The following ATP11A variants were observed in gnomAD, a reference collection of about 807,000 sequenced individuals.
ATP11A encodes phospholipid-transporting ATPase IH.
In ATP11A, 81 loss-of-function variants were observed where a neutral mutation model predicts 154.4. The observed-to-expected ratio is 0.52, with a 90% confidence interval of 0.44 to 0.63. ATP11A has a LOEUF of 0.63. Ranked by LOEUF, ATP11A falls within the 30% of genes least tolerant of loss-of-function variation. The probability of loss-of-function intolerance (pLI) is 0.00; values close to 1 mark genes in which losing one functional copy is unlikely to be tolerated. For missense variants in ATP11A, 1,316 were observed against 1,474.3 expected (o/e 0.89, Z 1.76); for synonymous variants, 623 against 585.9 (o/e 1.06, Z -0.91).
Position 112,748,757 on chromosome 13 carries a change from T to C in ATP11A, c.40-36378T>C, listed in dbSNP as rs559180167. On this transcript the variant is annotated intron_variant, in intron 1 of 29. Coordinates refer to ENST00000375645, the MANE Select transcript of ATP11A (RefSeq NM_015205.3). The stretch of plus-strand genomic sequence containing the variant: ...TTTTGCTAGCCAGCTACAGAGATAA[T>C]GTAAAAAATGTTTTAAAACCATATT... Among the ~76,000 whole-genome samples the C allele has an allele frequency of 7.2e-5, 11 of 152,318 alleles. No homozygotes were observed. In the South Asian group the frequency reaches 2.3e-3, roughly 32 times the overall value.
chr13:112,836,096 G>T, intron 15 of ATP11A, 82 bp from the exon 16 acceptor site: 1 of 1,022,370 alleles, frequency 9.8e-7, no homozygotes, highest in Non-Finnish European at 1.5e-6. Flanking sequence ...CAGCCATTCT[G>T]CTGTGGAGAG....
At position 112,886,751 on chromosome 13, in the gene ATP11A, A is replaced by G. The variant is rs1009601978; in HGVS notation, c.*4885A>G. The G allele has an allele frequency of 6.6e-6, 1 of 152,618 alleles. No homozygotes were observed. The highest frequency in any genetic ancestry group is 1.5e-5 in the Non-Finnish European group (1 of 68,038). The allele number at this position is 152,618 out of a possible 1,614,324, so 9.5% of individuals were successfully genotyped here. Reference sequence around the variant, plus strand: ...CATATATTGTGTCTGACTTAAAATTATAATGTCTGCGTCACCATTTAAAAT... The same window carrying G: ...CATATATTGTGTCTGACTTAAAATTGTAATGTCTGCGTCACCATTTAAAAT... On this transcript the variant is annotated 3_prime_UTR_variant, in exon 30 of 30. Transcript: ENST00000375645.
chr13:112,873,554 C>CTT lies in ATP11A; in HGVS notation c.3058-10_3058-9dup, dbSNP rs112313900. Reference sequence around the variant, plus strand: ...TGCTCAGATGACACCGTTAACTGCCCTTTTTTTTTTCCTTTTAGCTTGCAT... The same window carrying CTT: ...TGCTCAGATGACACCGTTAACTGCCCTTTTTTTTTTTTCCTTTTAGCTTGCAT... On this transcript the variant is annotated intron_variant, in intron 26 of 29. Coordinates refer to ENST00000375645, the MANE Select transcript of ATP11A (RefSeq NM_015205.3). The CTT allele has an allele frequency of 3.6e-6, 5 of 1,369,912 alleles. No homozygotes were observed. The highest frequency in any genetic ancestry group is 5.3e-5 in the East Asian group (2 of 37,752). 84.9% of individuals were successfully genotyped at this position (1,369,912 alleles called of 1,614,324 possible).
chr13:112,869,759 G>A (rs894627079), intron 25 of ATP11A, among the ~76,000 whole-genome samples: 1 of 152,208 alleles, frequency 6.6e-6, no homozygotes, highest in Non-Finnish European at 1.5e-5. Context: ...GCAGCCTCCC[G>A]CCCTCCAGCA....
intron 23 of ATP11A, 146 bp from the exon 24 acceptor site, chr13:112,860,141 T>A (rs900968755): frequency 6.1e-6 from 5 of 820,374 alleles, no homozygotes; most frequent in Non-Finnish European, 9.1e-6. Flanking sequence ...ACAGTTGATA[T>A]CACAGACCCT....
rs544892064 is a variant in ATP11A at position 112,854,640 on chromosome 13, G to A, written c.2243+110G>A. 4.4e-4 allele frequency: 582 copies of A among 1,326,592 alleles called. 2 individuals are homozygous for A. In the African/African-American group the frequency reaches 7.5e-3, roughly 17 times the overall value. 82.2% of individuals were successfully genotyped at this position (1,326,592 alleles called of 1,614,324 possible). A position where few individuals can be genotyped will look rare whatever the true frequency, so the allele number is the denominator to read the frequency against. On this transcript the variant is annotated intron_variant, in intron 19 of 29. Coordinates refer to ENST00000375645, the MANE Select transcript of ATP11A (RefSeq NM_015205.3). Reference sequence around the variant, plus strand: ...CCGCATTGTCTCTACTGGGAATTCGGTTCTCCCCTGGGGCATTAATGCCAG... The same window carrying A: ...CCGCATTGTCTCTACTGGGAATTCGATTCTCCCCTGGGGCATTAATGCCAG...
At chr13:112,842,493 T>A (rs776993956) in intron 17 of ATP11A, 114 bp downstream of exon 17, 114 of 866,674 alleles carry the variant, frequency 1.3e-4, no homozygotes, top group Non-Finnish European at 1.9e-4. Context: ...CCTTGGGGAA[T>A]GTTTAGAAAT....
chr13:112,802,083 A>AC (rs1411424262), intron 2 of ATP11A, among the ~76,000 whole-genome samples: 1 of 152,148 alleles, frequency 6.6e-6, no homozygotes, highest in Non-Finnish European at 1.5e-5. Flanking sequence ...GGCGGCTCAC[A>AC]CCTGTCATCC....
intron 1 of ATP11A, among the ~76,000 whole-genome samples, chr13:112,776,060 T>C (rs2077341288): frequency 6.6e-6 from 1 of 152,162 alleles, no homozygotes; most frequent in African/African-American, 2.4e-5. Context: ...TGGGAGCCCG[T>C]GGAGGCGGCT....
chr13:112,860,193 A>C, intron 23 of ATP11A, 94 bp from the exon 24 acceptor site: 3 of 1,407,836 alleles, frequency 2.1e-6, no homozygotes, highest in Admixed American at 2.0e-5. Flanking sequence ...TGGTCTTTCT[A>C]TGCATTTCAG....
intron 1 of ATP11A, among the ~76,000 whole-genome samples, chr13:112,751,065 G>A (rs562366511): frequency 6.6e-6 from 1 of 152,360 alleles, no homozygotes; most frequent in African/African-American, 2.4e-5. Context: ...AACCTTGGCG[G>A]TGGGGCCGCA....
chr13:112,832,350 G>T (rs1030461863), intron 13 of ATP11A, among the ~76,000 whole-genome samples: 3 of 152,206 alleles, frequency 2.0e-5, no homozygotes, highest in African/African-American at 7.2e-5. Flanking sequence ...CAGGATAATA[G>T]CTCCAACTTC....
chr13:112,871,858 G>A, intron 26 of ATP11A, 58 bp downstream of exon 26: 1 of 1,495,546 alleles, frequency 6.7e-7, no homozygotes, highest in East Asian at 2.3e-5. Flanking sequence ...TGCAGTGTAG[G>A]CCTCACGCGC....
chr13:112,836,372 A>C (rs970916513), intron 16 of ATP11A, 121 bp downstream of exon 16: 1 of 580,326 alleles, frequency 1.7e-6, no homozygotes, highest in Non-Finnish European at 2.9e-6. Context: ...TTCTTTTTTT[A>C]AAAACTATAG....
chr13:112,789,580 C>T (rs944917160), intron 2 of ATP11A, among the ~76,000 whole-genome samples: 17 of 144,878 alleles, frequency 1.2e-4, no homozygotes, highest in Non-Finnish European at 1.8e-4. Context: ...TAATTCACAC[C>T]GGTGTCCTGA....
At position 112,823,372 on chromosome 13, in the gene ATP11A, T is replaced by C. The variant is rs535490283; in HGVS notation, c.753T>C (p.Leu251=). ...CCTTAGGATCGGAAAACCTGCTGCT[T>C]AGAGGAGCTACACTGAAGAACACTG... ...VRPLGSENLL[L]RGATLKNTEK... The change falls in exon 9 of 30, where the codon CTT becomes CTC. Residue 251 remains leucine, a synonymous_variant. Transcript: ENST00000375645. 6.2e-7 allele frequency: 1 copy of C among 1,613,808 alleles called. No homozygotes were observed. The highest frequency in any genetic ancestry group is 8.5e-7 in the Non-Finnish European group (1 of 1,179,742).
chr13:112,744,271 C>T (rs770553327), intron 1 of ATP11A, among the ~76,000 whole-genome samples: 17 of 151,658 alleles, frequency 1.1e-4, no homozygotes, highest in Non-Finnish European at 2.4e-4. Flanking sequence ...TCCCGGCACC[C>T]GGCTTGGGAC....
chr13:112,886,795 G>C lies in ATP11A; in HGVS notation c.*4929G>C, dbSNP rs763477975. 1 of 152,458 alleles carries C rather than the reference G, an allele frequency of 6.6e-6. No individual in the cohort carries two copies. The highest frequency in any genetic ancestry group is 1.5e-5 in the Non-Finnish European group (1 of 68,038). The allele number at this position is 152,458 out of a possible 1,614,324, so 9.4% of individuals were successfully genotyped here. ...TTAAAATGTCTGTTCATTATGTAAT[G>C]TAATAAAAGAAGGTCTTCAAAAATG... On this transcript the variant is annotated 3_prime_UTR_variant, in exon 30 of 30. Coordinates refer to ENST00000375645, the MANE Select transcript of ATP11A (RefSeq NM_015205.3).
chr13:112,769,678 C>G (rs1002987945), intron 1 of ATP11A, among the ~76,000 whole-genome samples: 13 of 152,204 alleles, frequency 8.5e-5, no homozygotes, highest in African/African-American at 3.1e-4. Flanking sequence ...ATGCACCAGC[C>G]TGAGTCTAAG....
Sources: allele counts gnomAD v4.1 joint callset (sites outside exome capture counted in the v4.1 genomes callset), GRCh38; gene constraint gnomAD v4.1.1; transcripts MANE v1.5; gene names NCBI Gene and HGNC (gene_info 2026-07-23, HGNC 2026-07-21).